The following MC2R variants were observed in gnomAD, a reference collection of about 807,000 sequenced individuals.
MC2R encodes the protein adrenocorticotropic hormone receptor.
Under a neutral mutation model 9.8 loss-of-function variants are expected in MC2R, and 9 were observed. The ratio of observed to expected loss-of-function variants is 0.92; its 90% CI spans 0.55 to 1.60. The LOEUF is 1.60. Among genes scored for constraint, MC2R ranks in the 40% most tolerant of loss-of-function variants. The pLI, the probability that MC2R is intolerant of heterozygous loss-of-function variation, is 0.00. For missense variants in MC2R, 370 were observed against 389.0 expected, an observed-to-expected ratio of 0.95 and a Z score of 0.41; for synonymous variants, 185 against 154.7, an observed-to-expected ratio of 1.20 and a Z score of -1.45.
intron 1 of MC2R, among the ~76,000 whole-genome samples, chr18:13,910,313 T>C (rs968947777): frequency 2.0e-5 from 3 of 152,194 alleles, no homozygotes; most frequent in African/African-American, 7.2e-5. Context: ...ACTGTCTTGA[T>C]TACTGGCTTT....
chr18:13,895,112 C>G (rs988316110), intron 1 of MC2R, among the ~76,000 whole-genome samples: 1 of 152,128 alleles, frequency 6.6e-6, no homozygotes, highest in African/African-American at 2.4e-5. Flanking sequence ...TTTATGGATG[C>G]CTTGGGATGT....
chr18:13,891,246 T>C (rs1188018189), intron 1 of MC2R, among the ~76,000 whole-genome samples: 1 of 152,242 alleles, frequency 6.6e-6, no homozygotes, highest in Non-Finnish European at 1.5e-5. Context: ...GATGGATCAC[T>C]TCCTCCTCCC....
intron 1 of MC2R, among the ~76,000 whole-genome samples, chr18:13,907,957 G>C (rs1444078703): frequency 1.3e-5 from 2 of 152,138 alleles, no homozygotes; most frequent in Non-Finnish European, 2.9e-5. Context: ...TAGCCACTGT[G>C]GAGAACAGTT....
Position 13,884,410 on chromosome 18 carries a change from G to T in MC2R, c.*215C>A, listed in dbSNP as rs571834806. Reference sequence around the variant, plus strand: ...TATTCTATCCTTCTTTTACTACATCGTTTTATCTGTCCAGTCACAAAGTTA... The same window carrying T: ...TATTCTATCCTTCTTTTACTACATCTTTTTATCTGTCCAGTCACAAAGTTA... On this transcript the variant is annotated 3_prime_UTR_variant, in exon 2 of 2. Coordinates refer to ENST00000327606, the MANE Select transcript of MC2R (RefSeq NM_000529.2). The T allele has an allele frequency of 1.1e-4, 67 of 612,976 alleles. No homozygotes were observed. The East Asian group carries it at 1.8e-3, about 16-fold the overall frequency. The allele number at this position is 612,976 out of a possible 1,614,324, so 38.0% of individuals were successfully genotyped here.
chr18:13,914,927 G>C (rs1567904927), intron 1 of MC2R, among the ~76,000 whole-genome samples: 1 of 152,212 alleles, frequency 6.6e-6, no homozygotes, highest in East Asian at 1.9e-4. Flanking sequence ...TTGCTGCCTA[G>C]GAAGGTGGAG....
chr18:13,902,417 ATCACATTACCTGAC>A (rs1211236990), intron 1 of MC2R, among the ~76,000 whole-genome samples: 1 of 152,182 alleles, frequency 6.6e-6, no homozygotes, highest in East Asian at 1.9e-4. Flanking sequence ...AACTGCAGGA[ATCACATTACCTGAC>A]TTCACATTAT....
intron 1 of MC2R, among the ~76,000 whole-genome samples, chr18:13,890,378 G>A (rs1034802151): frequency 6.6e-6 from 1 of 152,156 alleles, no homozygotes; most frequent in African/African-American, 2.4e-5. Context: ...AGAAGAGCTG[G>A]GGAAGGAGGA....
chr18:13,895,617 A>G (rs2045341433), intron 1 of MC2R, among the ~76,000 whole-genome samples: 1 of 152,200 alleles, frequency 6.6e-6, no homozygotes, highest in Non-Finnish European at 1.5e-5. Flanking sequence ...CGAAAAAGAA[A>G]AAAAAGCTCA....
intron 1 of MC2R, among the ~76,000 whole-genome samples, chr18:13,893,380 T>C (rs1306916343): frequency 1.3e-5 from 2 of 152,206 alleles, no homozygotes; most frequent in Non-Finnish European, 2.9e-5. Flanking sequence ...TCATCTGAAG[T>C]GCAGATCTTC....
In MC2R at chr18:13,883,234, CCCTTTCA is replaced by C. The variant is rs2045244331; in HGVS notation, c.*1384_*1390del. 1 of 152,366 alleles carries C rather than the reference CCCTTTCA, an allele frequency of 6.6e-6. No individual in the cohort carries two copies. The highest frequency in any genetic ancestry group is 1.5e-5 in the Non-Finnish European group (1 of 68,154). 9.4% of individuals were successfully genotyped at this position (152,366 alleles called of 1,614,324 possible). On this transcript the variant is annotated 3_prime_UTR_variant, in exon 2 of 2. Transcript: ENST00000327606. ...CTGAAGCCCCACTGCTCTCCTCTGT[CCCTTTCA>C]CCTTTCACCCCATTCAAGTCACCCT...
chr18:13,897,500 T>TG (rs2045353431), intron 1 of MC2R, among the ~76,000 whole-genome samples: 1 of 151,902 alleles, frequency 6.6e-6, no homozygotes, highest in Non-Finnish European at 1.5e-5. Context: ...ACAGCGGACT[T>TG]GGGGGGCGCA....
At chr18:13,900,426 T>C (rs2045372039) in intron 1 of MC2R, among the ~76,000 whole-genome samples, 1 of 152,010 alleles carries the variant, frequency 6.6e-6, no homozygotes, top group African/African-American at 2.4e-5. Flanking sequence ...TGAATGTAAA[T>C]GGACTAAACT....
chr18:13,913,766 A>C (rs2045460406), intron 1 of MC2R, among the ~76,000 whole-genome samples: 1 of 152,110 alleles, frequency 6.6e-6, no homozygotes, highest in South Asian at 2.1e-4. Flanking sequence ...CCGCATCCCA[A>C]GGGAGCCCAG....
At chr18:13,902,881 A>G (rs1567901449) in intron 1 of MC2R, among the ~76,000 whole-genome samples, 2 of 152,234 alleles carry the variant, frequency 1.3e-5, no homozygotes, top group Non-Finnish European at 2.9e-5. Flanking sequence ...AGCAAAGGAA[A>G]CAACCCACAA....
At chr18:13,906,150 T>G (rs1402055958) in intron 1 of MC2R, among the ~76,000 whole-genome samples, 1 of 152,202 alleles carries the variant, frequency 6.6e-6, no homozygotes, top group Non-Finnish European at 1.5e-5. Context: ...TGCAGCACTA[T>G]TTACAATAGC....
At chr18:13,903,108 T>TATG (rs2045390498) in intron 1 of MC2R, among the ~76,000 whole-genome samples, 1 of 152,198 alleles carries the variant, frequency 6.6e-6, no homozygotes, top group Non-Finnish European at 1.5e-5. Flanking sequence ...ACATCATTGA[T>TATG]CATTAGAGTA....
intron 1 of MC2R, among the ~76,000 whole-genome samples, chr18:13,902,356 G>A (rs552089842): frequency 1.7e-4 from 26 of 152,112 alleles, no homozygotes; most frequent in Non-Finnish European, 2.6e-4. Context: ...AATTTATATG[G>A]AACCACAAGA....
At chr18:13,892,805 T>TACACACACAC (rs34352644) in intron 1 of MC2R, among the ~76,000 whole-genome samples, 32 of 147,224 alleles carry the variant, frequency 2.2e-4, no homozygotes, top group African/African-American at 7.8e-4. Flanking sequence ...CATAATCTGT[T>TACACACACAC]ACACACACAC....
At chr18:13,909,900 G>T (rs574356525) in intron 1 of MC2R, among the ~76,000 whole-genome samples, 1 of 152,296 alleles carries the variant, frequency 6.6e-6, no homozygotes, top group Admixed American at 6.5e-5. Context: ...CAATGTACTT[G>T]TTGCTACTGG....
Sources: gnomAD v4.1 joint callset for allele counts (sites outside exome capture counted in the v4.1 genomes callset) on GRCh38, gnomAD v4.1.1 for gene constraint, MANE v1.5 for transcripts, NCBI Gene and HGNC (gene_info 2026-07-23, HGNC 2026-07-21) for gene names.